ARPP21: variants seen among roughly 807,000 people sequenced by gnomAD.
ARPP21 encodes the protein cAMP-regulated phosphoprotein 21.
In ARPP21, 69 loss-of-function variants were observed where a neutral mutation model predicts 113.2. The observed-to-expected ratio is 0.61, with a 90% CI of 0.50 to 0.74. The LOEUF (loss-of-function observed/expected upper bound fraction) is 0.74, where lower values mean the gene tolerates loss of function less well. Among genes scored for constraint, ARPP21 ranks in the 30% least tolerant of loss-of-function variants. The probability of loss-of-function intolerance (pLI) is 0.00; values close to 1 mark genes in which losing one functional copy is unlikely to be tolerated. For synonymous variants in ARPP21, 368 were observed against 375.5 expected, an observed-to-expected ratio of 0.98 and a Z score of 0.23; for missense variants, 1,070 against 1,037.4, an observed-to-expected ratio of 1.03 and a Z score of -0.43.
In ARPP21 at chr3:35,793,771, A is replaced by G. The variant is rs2096793582; in HGVS notation, c.2357A>G (p.Gln786Arg). 3.7e-6 allele frequency: 6 copies of G among 1,613,526 alleles called. No individual in the cohort carries two copies. Among genetic ancestry groups the G allele is most frequent in the Admixed American group, 1.7e-5 (1 of 59,992 alleles). ...SYQQPIMLPN[Q>R]AGQGSLPATG... ...CAACAGCCAATCATGCTACCTAACC[A>G]GGCAGGTCAAGGGTCACTCCCAGCC... The change falls in exon 21 of 21, where the codon CAG becomes CGG. Residue 786 changes from glutamine (Q) to arginine (R), a missense_variant. Transcript: ENST00000684406.
chr3:35,753,821 T>C (rs1278116155), intron 19 of ARPP21, among the ~76,000 whole-genome samples: 2 of 151,976 alleles, frequency 1.3e-5, no homozygotes, highest in East Asian at 3.9e-4. Context: ...TTTAATGTTG[T>C]TCTGAAACAC....
chr3:35,757,206 CCG>C (rs1319384591), intron 19 of ARPP21, among the ~76,000 whole-genome samples: 2 of 151,026 alleles, frequency 1.3e-5, no homozygotes, highest in Non-Finnish European at 2.9e-5. Flanking sequence ...TTACAAGCAC[CCG>C]CCACCACATC....
chr3:35,792,557 T>C, intron 20 of ARPP21, 27 bp downstream of exon 20: 1 of 1,613,582 alleles, frequency 6.2e-7, no homozygotes, highest in Non-Finnish European at 8.5e-7. Flanking sequence ...TGGAAAATTG[T>C]GGGTTTTAAA....
intron 11 of ARPP21, 66 bp from the exon 12 acceptor site, chr3:35,715,373 G>T: frequency 1.6e-6 from 2 of 1,284,686 alleles, no homozygotes; most frequent in South Asian, 1.2e-5. Context: ...TTAAAATCAG[G>T]CAAGTATTTG....
At chr3:35,662,368 C>A (rs1559535527) in intron 1 of ARPP21, among the ~76,000 whole-genome samples, 1 of 152,154 alleles carries the variant, frequency 6.6e-6, no homozygotes, top group African/African-American at 2.4e-5. Context: ...ATCACTACTG[C>A]AAAGCATTTT....
chr3:35,709,650 T>C (rs1699640834), intron 11 of ARPP21, among the ~76,000 whole-genome samples: 1 of 152,186 alleles, frequency 6.6e-6, no homozygotes. Flanking sequence ...GTTGGAATTT[T>C]TTATCTTTAC....
intron 11 of ARPP21, among the ~76,000 whole-genome samples, chr3:35,714,203 T>A (rs1366153964): frequency 6.6e-6 from 1 of 152,222 alleles, no homozygotes; most frequent in South Asian, 2.1e-4. Flanking sequence ...TCAGGATGCA[T>A]GTTAAGTGCA....
At chr3:35,699,696 A>C (rs145426523) in intron 9 of ARPP21, among the ~76,000 whole-genome samples, 2 of 151,832 alleles carry the variant, frequency 1.3e-5, no homozygotes, top group Admixed American at 1.3e-4. Flanking sequence ...CGTACCAAAA[A>C]TATTTGGCAA....
At chr3:35,724,447 T>C (rs1233945849) in intron 14 of ARPP21, among the ~76,000 whole-genome samples, 1 of 152,220 alleles carries the variant, frequency 6.6e-6, no homozygotes, top group Non-Finnish European at 1.5e-5. Context: ...TTCTGAACTT[T>C]AGCTCCATCA....
chr3:35,695,811 A>G (rs1017468183), intron 9 of ARPP21, among the ~76,000 whole-genome samples: 2 of 151,512 alleles, frequency 1.3e-5, no homozygotes, highest in East Asian at 3.9e-4. Flanking sequence ...TTTTGTTGAG[A>G]TGGTTGTGTT....
intron 1 of ARPP21, among the ~76,000 whole-genome samples, chr3:35,643,155 C>T (rs1698794989): frequency 6.6e-6 from 1 of 152,014 alleles, no homozygotes; most frequent in Non-Finnish European, 1.5e-5. Flanking sequence ...ATACTATAAT[C>T]AGGTTATTCT....
intron 1 of ARPP21, among the ~76,000 whole-genome samples, chr3:35,672,031 T>C (rs1489393336): frequency 6.6e-6 from 1 of 152,100 alleles, no homozygotes; most frequent in East Asian, 1.9e-4. Context: ...TTATATGCTT[T>C]AGTTTCATTA....
chr3:35,685,357 C>T (rs1033926547), intron 5 of ARPP21: 1 of 985,324 alleles, frequency 1.0e-6, no homozygotes, highest in Non-Finnish European at 1.2e-6. Context: ...GCCTGCAAGC[C>T]TCTCTTTGGA....
In ARPP21 at chr3:35,652,750, G is replaced by A. The variant is rs567801612; in HGVS notation, c.-213+12352G>A. Reference sequence around the variant, plus strand: ...ATGGTAAAGAAGATCTACATGAAAGGAGTGTGATGTTTTTCTGAACTTGTT... The same window carrying A: ...ATGGTAAAGAAGATCTACATGAAAGAAGTGTGATGTTTTTCTGAACTTGTT... On this transcript the variant is annotated intron_variant, in intron 1 of 20. Coordinates refer to ENST00000684406, the MANE Select transcript of ARPP21 (RefSeq NM_001385562.1). 3.3e-5 allele frequency among the ~76,000 whole-genome samples: 5 copies of A among 152,178 alleles called. No homozygotes were observed. The South Asian group carries it at 1.0e-3, about 31-fold the overall frequency.
At chr3:35,759,249 T>C (rs2095675425) in intron 19 of ARPP21, among the ~76,000 whole-genome samples, 1 of 152,070 alleles carries the variant, frequency 6.6e-6, no homozygotes, top group Non-Finnish European at 1.5e-5. Context: ...TCAATAGATG[T>C]GATTTTCAGT....
At chr3:35,683,915 T>C in intron 5 of ARPP21, 100 bp downstream of exon 5, 2 of 998,826 alleles carry the variant, frequency 2.0e-6, no homozygotes, top group Non-Finnish European at 3.2e-6. Context: ...GGGAGAAAAA[T>C]ATAATTGAAG....
intron 19 of ARPP21, among the ~76,000 whole-genome samples, chr3:35,744,998 A>G (rs1371249883): frequency 6.6e-6 from 1 of 152,200 alleles, no homozygotes; most frequent in Non-Finnish European, 1.5e-5. Context: ...CGTATTGTGG[A>G]TGGTTACATG....
At chr3:35,699,893 A>T (rs2085636517) in intron 9 of ARPP21, among the ~76,000 whole-genome samples, 1 of 151,802 alleles carries the variant, frequency 6.6e-6, no homozygotes, top group Non-Finnish European at 1.5e-5. Context: ...CACTTTCAGA[A>T]AAATATGACT....
rs1468575083 is a variant in ARPP21, at chr3:35,716,337, T to C, written c.935+861T>C. Among the ~76,000 whole-genome samples the C allele has an allele frequency of 3.9e-5, 6 of 152,034 alleles. No homozygotes were observed. In the East Asian group the frequency reaches 1.2e-3, roughly 29 times the overall value. ...TTGCTTAATGTGTATTCCTATACCATTGATTAAAATGAAGACTGTTTGATT... is the reference window on the plus strand; with the variant it reads ...TTGCTTAATGTGTATTCCTATACCACTGATTAAAATGAAGACTGTTTGATT... On this transcript the variant is annotated intron_variant, in intron 12 of 20. Coordinates refer to ENST00000684406, the MANE Select transcript of ARPP21 (RefSeq NM_001385562.1).
Sources: gnomAD v4.1 joint callset for allele counts (sites outside exome capture counted in the v4.1 genomes callset) on GRCh38, gnomAD v4.1.1 for gene constraint, MANE v1.5 for transcripts, NCBI Gene and HGNC (gene_info 2026-07-23, HGNC 2026-07-21) for gene names.